Variants in PTGER3 observed in about 807,000 individuals in gnomAD.
The protein encoded by PTGER3 is prostaglandin E receptor 3, also known as prostaglandin E2 receptor EP3 subtype.
A neutral mutation model predicts 34.7 loss-of-function variants in PTGER3; 22 were observed. The ratio of observed to expected loss-of-function variants is 0.63; its 90% CI spans 0.45 to 0.91. PTGER3 has a LOEUF of 0.91. Among genes scored for constraint, PTGER3 ranks in the 40% least tolerant of loss-of-function variants. The pLI, the probability that PTGER3 is intolerant of heterozygous loss-of-function variation, is 0.00. For synonymous variants in PTGER3, 241 were observed against 230.1 expected (o/e 1.05, Z -0.43); for missense variants, 468 against 519.4 (o/e 0.90, Z 0.96).
chr1:71,002,292 C>T (rs1457030956), intron 2 of PTGER3: 1 of 152,066 alleles, frequency 6.6e-6, no homozygotes, highest in East Asian at 1.9e-4. Flanking sequence ...TTCATTATCT[C>T]ATTTAATTGT....
intron 4 of PTGER3, among the ~76,000 whole-genome samples, chr1:70,863,386 C>T (rs1311045318): frequency 2.6e-5 from 4 of 152,114 alleles, no homozygotes; most frequent in Non-Finnish European, 5.9e-5. Flanking sequence ...TGTGTTCAGG[C>T]TGAATTTCAC....
intron 2 of PTGER3, among the ~76,000 whole-genome samples, chr1:70,954,653 G>T (rs1651128467): frequency 6.6e-6 from 1 of 152,128 alleles, no homozygotes; most frequent in South Asian, 2.1e-4. Flanking sequence ...CTGATTTCAA[G>T]TTTAATATCC....
At chr1:70,886,800 G>A (rs191593297) in intron 4 of PTGER3, among the ~76,000 whole-genome samples, 115 of 152,264 alleles carry the variant, frequency 7.6e-4, no homozygotes, top group African/African-American at 2.7e-3. Flanking sequence ...CAATAAATAT[G>A]GTTGAATTCA....
intron 4 of PTGER3, among the ~76,000 whole-genome samples, chr1:70,895,445 G>T (rs964852290): frequency 6.6e-6 from 1 of 152,104 alleles, no homozygotes; most frequent in Non-Finnish European, 1.5e-5. Flanking sequence ...TTGAATAGTG[G>T]TTACTTTTCA....
intron 4 of PTGER3, among the ~76,000 whole-genome samples, chr1:70,895,657 C>A (rs1646709242): frequency 6.6e-6 from 1 of 152,184 alleles, no homozygotes; most frequent in Non-Finnish European, 1.5e-5. Flanking sequence ...TTCTGTTTCA[C>A]AGAAACAACC....
At chr1:71,036,639 G>C (rs919717731) in intron 1 of PTGER3, among the ~76,000 whole-genome samples, 1 of 152,148 alleles carries the variant, frequency 6.6e-6, no homozygotes, top group Non-Finnish European at 1.5e-5. Context: ...AGGAGATCGA[G>C]ACCATCCTGG....
chr1:70,903,908 G>T (rs780272771), intron 4 of PTGER3, among the ~76,000 whole-genome samples: 13 of 152,132 alleles, frequency 8.5e-5, no homozygotes, highest in Non-Finnish European at 1.5e-4. Context: ...TCCCTCGGTT[G>T]GTTTAAAGAT....
intron 4 of PTGER3, among the ~76,000 whole-genome samples, chr1:70,882,847 G>A (rs974473808): frequency 1.3e-5 from 2 of 152,172 alleles, no homozygotes; most frequent in African/African-American, 2.4e-5. Context: ...TCTGCTCTGT[G>A]TCCCCTGCTG....
At chr1:70,977,451 G>A (rs1653818222) in intron 2 of PTGER3, among the ~76,000 whole-genome samples, 1 of 151,982 alleles carries the variant, frequency 6.6e-6, no homozygotes, top group Non-Finnish European at 1.5e-5. Context: ...GTCATTAATA[G>A]TTCTTTCTGC....
chr1:70,971,105 TA>T lies in PTGER3; in HGVS notation c.*624del, dbSNP rs1337046282. The T allele has an allele frequency of 1.2e-5, 12 of 985,264 alleles. No individual in the cohort carries two copies. Among genetic ancestry groups the T allele is most frequent in the Non-Finnish European group, 1.4e-5 (12 of 829,920 alleles). 61.0% of individuals were successfully genotyped at this position (985,264 alleles called of 1,614,324 possible). ...ATAACAATTAAGCAGATTCCTGAGT[TA>T]CTAAATGACACATAACTAGAATTGA... On this transcript the variant is annotated 3_prime_UTR_variant, in exon 4 of 4. Transcript: ENST00000306666.
intron 4 of PTGER3, among the ~76,000 whole-genome samples, chr1:70,917,229 AT>A (rs1446517918): frequency 5.3e-5 from 8 of 149,870 alleles, no homozygotes; most frequent in Non-Finnish European, 1.5e-5. Context: ...GGTTACTAGT[AT>A]TTCAGATTCT....
intron 4 of PTGER3, chr1:70,862,238 T>G: frequency 1.1e-6 from 1 of 871,550 alleles, no homozygotes; most frequent in Non-Finnish European, 1.5e-6. Context: ...CAAATGGAGA[T>G]TTAAACATAC....
chr1:70,980,090 A>G (rs1388021263), intron 2 of PTGER3, among the ~76,000 whole-genome samples: 6 of 151,948 alleles, frequency 3.9e-5, no homozygotes, highest in African/African-American at 7.3e-5. Context: ...GAAAAGAAGA[A>G]CTGGAAGGGA....
intron 4 of PTGER3, among the ~76,000 whole-genome samples, chr1:70,920,272 C>T (rs554997532): frequency 4.3e-4 from 65 of 152,284 alleles, no homozygotes; most frequent in African/African-American, 1.4e-3. Context: ...CCAGACTAAG[C>T]TCATCTTTCA....
rs1647191822 is a variant in PTGER3 at position 70,917,147 on chromosome 1, A to T, written c.*23+36616T>A. On this transcript the variant is annotated intron_variant, in intron 4 of 4. Coordinates refer to the PTGER3 transcript ENST00000370931. ...AACTTATTCTTCCTGTCTAATTGTAACTTTGTACACATTGACCAATCTTTC... is the reference window on the plus strand; with the variant it reads ...AACTTATTCTTCCTGTCTAATTGTATCTTTGTACACATTGACCAATCTTTC... 2.0e-5 allele frequency among the ~76,000 whole-genome samples: 3 copies of T among 151,888 alleles called. No individual in the cohort carries two copies. In the South Asian group the frequency reaches 6.2e-4, roughly 31 times the overall value.
At chr1:70,890,397 CCAA>C (rs1255533319) in intron 4 of PTGER3, among the ~76,000 whole-genome samples, 1 of 152,016 alleles carries the variant, frequency 6.6e-6, no homozygotes, top group Non-Finnish European at 1.5e-5. Flanking sequence ...GAAATGACCC[CCAA>C]ATCTATCTTC....
At chr1:70,931,254 T>C (rs1648662079) in intron 4 of PTGER3, among the ~76,000 whole-genome samples, 1 of 152,212 alleles carries the variant, frequency 6.6e-6, no homozygotes, top group Non-Finnish European at 1.5e-5. Flanking sequence ...TCTGCCCCTG[T>C]GGCTTTGCAG....
chr1:70,956,926 C>T (rs975012818), intron 2 of PTGER3, among the ~76,000 whole-genome samples: 3 of 152,036 alleles, frequency 2.0e-5, no homozygotes, highest in Non-Finnish European at 4.4e-5. Context: ...GCCAGGGAGT[C>T]GGAGGTTCCT....
intron 1 of PTGER3, among the ~76,000 whole-genome samples, chr1:71,035,774 C>T (rs1659768240): frequency 6.6e-6 from 1 of 152,216 alleles, no homozygotes; most frequent in South Asian, 2.1e-4. Flanking sequence ...CTCTTTTTTA[C>T]TCACTCTAAT....
Sources: gnomAD v4.1 joint callset for allele counts (sites outside exome capture counted in the v4.1 genomes callset) on GRCh38, gnomAD v4.1.1 for gene constraint, MANE v1.5 for transcripts, NCBI Gene and HGNC (gene_info 2026-07-23, HGNC 2026-07-21) for gene names.